The following ZSCAN5A variants were observed in gnomAD, a reference collection of about 807,000 sequenced individuals.
ZSCAN5A encodes zinc finger and SCAN domain-containing protein 5A.
In ZSCAN5A, 12 loss-of-function variants were observed where a neutral mutation model predicts 23.7. That is an observed-to-expected ratio of 0.51 (90% CI 0.32 to 0.82). The LOEUF is 0.82. ZSCAN5A is among the 40% of genes least tolerant of loss of function. ZSCAN5A has a pLI of 0.03. For synonymous variants in ZSCAN5A, 257 were observed against 239.9 expected (o/e 1.07, Z -0.66); for missense variants, 597 against 617.9 (o/e 0.97, Z 0.36).
intron 1 of ZSCAN5A, among the ~76,000 whole-genome samples, chr19:56,313,619 TA>T (rs1352814385): frequency 6.6e-6 from 1 of 152,266 alleles, no homozygotes; most frequent in Non-Finnish European, 1.5e-5. Context: ...CAGTAGTAAC[TA>T]ATTTTTAAAC....
At chr19:56,296,234 G>A (rs544236623) in intron 2 of ZSCAN5A, 18 of 152,616 alleles carry the variant, frequency 1.2e-4, no homozygotes, top group African/African-American at 4.3e-4. Context: ...AGGGCTTCTC[G>A]GAGGAGGAGT....
chr19:56,273,578 C>G (rs929953921), intron 2 of ZSCAN5A, among the ~76,000 whole-genome samples: 3 of 152,074 alleles, frequency 2.0e-5, no homozygotes, highest in Non-Finnish European at 4.4e-5. Context: ...TAGGAGCTGG[C>G]CAGCTGAAGA....
chr19:56,257,421 T>C (rs138400529), intron 2 of ZSCAN5A, among the ~76,000 whole-genome samples: 1 of 152,304 alleles, frequency 6.6e-6, no homozygotes, highest in East Asian at 1.9e-4. Context: ...TGGACTGCAG[T>C]GTCCCTGCAG....
intron 2 of ZSCAN5A, chr19:56,246,268 C>A: frequency 3.6e-6 from 1 of 281,452 alleles, no homozygotes; most frequent in Non-Finnish European, 6.6e-6. Context: ...TGTCCATGAC[C>A]CACCAGTTTA....
chr19:56,320,615 A>AAATAATAAT (rs767420878), intron 2 of ZSCAN5A: 1 of 598,600 alleles, frequency 1.7e-6, no homozygotes. Context: ...TCTGTCTCAA[A>AAATAATAAT]AATAATAATA....
chr19:56,337,247 G>C (rs966756812), intron 2 of ZSCAN5A, among the ~76,000 whole-genome samples: 1 of 152,294 alleles, frequency 6.6e-6, no homozygotes, highest in Non-Finnish European at 1.5e-5. Flanking sequence ...CGAGCTTCCC[G>C]GCCACTTTAT....
intron 2 of ZSCAN5A, among the ~76,000 whole-genome samples, chr19:56,337,912 A>C: frequency 6.6e-6 from 1 of 152,252 alleles, no homozygotes; most frequent in East Asian, 1.9e-4. Flanking sequence ...TTTATTCTGC[A>C]AAGTAATATG....
chr19:56,332,422 A>G (rs954222888), intron 2 of ZSCAN5A, among the ~76,000 whole-genome samples: 3 of 152,128 alleles, frequency 2.0e-5, no homozygotes, highest in Admixed American at 6.5e-5. Context: ...GTTTTTCTTC[A>G]TACTTTTTTA....
intron 2 of ZSCAN5A, among the ~76,000 whole-genome samples, chr19:56,241,935 G>A (rs572022362): frequency 2.6e-5 from 4 of 152,224 alleles, no homozygotes; most frequent in South Asian, 2.1e-4. Flanking sequence ...GACTCAACCC[G>A]TCACCCAGGA....
chr19:56,345,834 A>G (rs76114929), intron 2 of ZSCAN5A, among the ~76,000 whole-genome samples: 2,502 of 152,318 alleles, frequency 0.016, 71 homozygotes, highest in African/African-American at 0.057. Context: ...TAAACTATAC[A>G]CTTCTTTAAA....
chr19:56,342,958 C>T, intron 2 of ZSCAN5A: 1 of 990,968 alleles, frequency 1.0e-6, no homozygotes, highest in Non-Finnish European at 1.6e-6. Flanking sequence ...TATTCTTGCC[C>T]ATTTTCAAAA....
chr19:56,254,775 A>C (rs1173137345), intron 2 of ZSCAN5A, among the ~76,000 whole-genome samples: 1 of 152,036 alleles, frequency 6.6e-6, no homozygotes. Context: ...GTTTTGATTT[A>C]CATTTCCCTA....
chr19:56,299,551 A>T (rs1374037503), intron 2 of ZSCAN5A, among the ~76,000 whole-genome samples: 2 of 152,142 alleles, frequency 1.3e-5, no homozygotes, highest in East Asian at 3.8e-4. Context: ...GGTAAAACAC[A>T]GTTGTCCCTC....
intron 2 of ZSCAN5A, among the ~76,000 whole-genome samples, chr19:56,269,057 T>G (rs1488693210): frequency 6.6e-6 from 1 of 152,242 alleles, no homozygotes; most frequent in East Asian, 1.9e-4. Context: ...TTCCATATTT[T>G]GACTCTAGTG....
In ZSCAN5A at chr19:56,302,528, C is replaced by CTTCTT. The variant is rs1568725927; in HGVS notation, c.-128+10754_-128+10755insAAGAA. On this transcript the variant is annotated intron_variant, in intron 2 of 5. Coordinates refer to ENST00000683990, the MANE Select transcript of ZSCAN5A (RefSeq NM_001322064.3). Reference sequence around the variant, plus strand: ...GCCCTTCTTTCCTTCCTCCCTCCCTCCCTCTTCTTCCTCCCCGTTCCTCCC... The same window carrying CTTCTT: ...GCCCTTCTTTCCTTCCTCCCTCCCTCTTCTTCCTCTTCTTCCTCCCCGTTCCTCCC... Among the ~76,000 whole-genome samples the CTTCTT allele has an allele frequency of 1.0e-3, 88 of 86,618 alleles. 3 individuals carry two copies. Among genetic ancestry groups the CTTCTT allele is most frequent in the Non-Finnish European group, 1.3e-3 (44 of 34,536 alleles). 56.8% of individuals were successfully genotyped at this position (86,618 alleles called of 152,430 possible). A position where few individuals can be genotyped will look rare whatever the true frequency, so the allele number is the denominator to read the frequency against.
intron 2 of ZSCAN5A, among the ~76,000 whole-genome samples, chr19:56,229,677 G>A (rs967869580): frequency 2.0e-5 from 3 of 152,130 alleles, no homozygotes; most frequent in South Asian, 2.1e-4. Context: ...AGACCGCATC[G>A]AATCTGCTGA....
chr19:56,237,234 C>G (rs2035006274), intron 2 of ZSCAN5A, among the ~76,000 whole-genome samples: 1 of 152,162 alleles, frequency 6.6e-6, no homozygotes, highest in Admixed American at 6.6e-5. Context: ...ATTCTCTGTT[C>G]AACACGCCTA....
chr19:56,310,712 G>C (rs1600260899), intron 2 of ZSCAN5A, among the ~76,000 whole-genome samples: 1 of 152,314 alleles, frequency 6.6e-6, no homozygotes, highest in East Asian at 1.9e-4. Context: ...ATACAGTTGT[G>C]AGGATATGGC....
At chr19:56,291,740 C>CT (rs199855659) in intron 2 of ZSCAN5A, among the ~76,000 whole-genome samples, 18 of 149,270 alleles carry the variant, frequency 1.2e-4, no homozygotes, top group South Asian at 8.5e-4. Flanking sequence ...TTTTGACCAT[C>CT]TTTTTTTTTT....
Sources: allele counts gnomAD v4.1 joint callset (sites outside exome capture counted in the v4.1 genomes callset), GRCh38; gene constraint gnomAD v4.1.1; transcripts MANE v1.5; gene names NCBI Gene and HGNC (gene_info 2026-07-23, HGNC 2026-07-21).